FCF1: variants seen among roughly 807,000 people sequenced by gnomAD.
The protein encoded by FCF1 is rRNA-processing protein FCF1 homolog.
A neutral mutation model predicts 32.5 loss-of-function variants in FCF1; 17 were observed. The ratio of observed to expected loss-of-function variants is 0.52; its 90% CI spans 0.36 to 0.78. FCF1 has a LOEUF of 0.78. FCF1 is among the 30% of genes least tolerant of loss of function. FCF1 has a pLI of 0.00. For missense variants in FCF1, 201 were observed against 241.1 expected (o/e 0.83, Z 1.10); for synonymous variants, 84 against 78.4 (o/e 1.07, Z -0.38).
At chr14:74,726,712 C>G (rs1286681092) in intron 5 of FCF1, among the ~76,000 whole-genome samples, 1 of 151,996 alleles carries the variant, frequency 6.6e-6, no homozygotes, top group East Asian at 1.9e-4. Flanking sequence ...CCCACTAACT[C>G]GTCATCTAGC....
chr14:74,725,935 CAAAAAAA>C (rs568348050), intron 5 of FCF1, among the ~76,000 whole-genome samples: 2 of 108,512 alleles, frequency 1.8e-5, no homozygotes, highest in Admixed American at 1.0e-4. Context: ...GACTCCATCT[CAAAAAAA>C]AAAAAAAGAA....
chr14:74,738,005 AAAAAAGAG>A lies in FCF1; in HGVS notation c.*3077_*3084del, dbSNP rs1269310839. 2.4e-4 allele frequency: 37 copies of A among 151,556 alleles called. No homozygotes were observed. The highest frequency in any genetic ancestry group is 8.4e-4 in the African/African-American group (35 of 41,506). The allele number at this position is 151,556 out of a possible 1,614,324, so 9.4% of individuals were successfully genotyped here. On this transcript the variant is annotated 3_prime_UTR_variant, in exon 8 of 8. Coordinates refer to ENST00000341162, the MANE Select transcript of FCF1 (RefSeq NM_015962.5). ...AAACTCTGTCTCAAAAAAAAAAAAAAAAAAAGAGAGAGAGAAAAAAATTAGTTTCCTAC... is the reference window on the plus strand; with the variant it reads ...AAACTCTGTCTCAAAAAAAAAAAAAAAGAGAGAAAAAAATTAGTTTCCTAC...
chr14:74,718,002 G>A (rs1331390985), intron 4 of FCF1, among the ~76,000 whole-genome samples: 1 of 152,094 alleles, frequency 6.6e-6, no homozygotes, highest in African/African-American at 2.4e-5. Context: ...AGCCACCCCA[G>A]TAGCTAGGAC....
intron 2 of FCF1, among the ~76,000 whole-genome samples, chr14:74,714,483 G>A (rs2090386653): frequency 6.6e-6 from 1 of 152,164 alleles, no homozygotes; most frequent in Admixed American, 6.5e-5. Context: ...AGAAGCATAT[G>A]GGGTAATACT....
chr14:74,731,886 T>C (rs879910617), intron 5 of FCF1, among the ~76,000 whole-genome samples: 1 of 152,184 alleles, frequency 6.6e-6, no homozygotes, highest in Non-Finnish European at 1.5e-5. Context: ...AGAGCATGGC[T>C]CTCAGAATCA....
chr14:74,726,547 A>G (rs1298595803), intron 5 of FCF1, among the ~76,000 whole-genome samples: 1 of 151,664 alleles, frequency 6.6e-6, no homozygotes, highest in African/African-American at 2.4e-5. Context: ...GCTGAGGCAG[A>G]AGGATCACCT....
At position 74,738,101 on chromosome 14, in the gene FCF1, A is replaced by G. The variant is rs988264443; in HGVS notation, c.*3171A>G. 2 of 149,584 alleles carry G rather than the reference A, an allele frequency of 1.3e-5. No homozygotes were observed. The highest frequency in any genetic ancestry group is 2.5e-5 in the African/African-American group (1 of 40,698). The allele number at this position is 149,584 out of a possible 1,614,324, so 9.3% of individuals were successfully genotyped here. On this transcript the variant is annotated 3_prime_UTR_variant, in exon 8 of 8. Coordinates refer to ENST00000341162, the MANE Select transcript of FCF1 (RefSeq NM_015962.5). ...GACCTAAATTTTTTTTTTTTTTGAG[A>G]CAGTTTCTCACTCTGTCACCCAGGC...
At chr14:74,714,790 A>G in intron 2 of FCF1, 82 bp from the exon 3 acceptor site, 1 of 1,489,500 alleles carries the variant, frequency 6.7e-7, no homozygotes. Flanking sequence ...AAAAAAAAAA[A>G]AAATGGAACT....
At chr14:74,725,874 T>C (rs1327258154) in intron 5 of FCF1, among the ~76,000 whole-genome samples, 1 of 150,584 alleles carries the variant, frequency 6.6e-6, no homozygotes, top group Non-Finnish European at 1.5e-5. Flanking sequence ...AGGCGGAGCT[T>C]GCAGTGAGCC....
chr14:74,727,195 A>G lies in FCF1; in HGVS notation c.365+3851A>G, dbSNP rs1302879727. 2.0e-5 allele frequency among the ~76,000 whole-genome samples: 3 copies of G among 152,312 alleles called. No homozygotes were observed. In the East Asian group the frequency reaches 5.8e-4, roughly 29 times the overall value. ...AGGAATCACCACACTGACTTCCACA[A>G]TGGTTGAACTAGTTTACAGTCCTGC... On this transcript the variant is annotated intron_variant, in intron 5 of 7. Coordinates refer to ENST00000341162, the MANE Select transcript of FCF1 (RefSeq NM_015962.5).
chr14:74,720,723 T>A (rs1362140842), intron 4 of FCF1, among the ~76,000 whole-genome samples: 1 of 152,140 alleles, frequency 6.6e-6, no homozygotes, highest in Non-Finnish European at 1.5e-5. Flanking sequence ...GCCAATAGCT[T>A]ACAGCAGCCT....
At chr14:74,718,405 T>G (rs1283259229) in intron 4 of FCF1, among the ~76,000 whole-genome samples, 2 of 152,128 alleles carry the variant, frequency 1.3e-5, no homozygotes, top group Admixed American at 1.3e-4. Context: ...TTTGCTCACT[T>G]CACTGCTACA....
At chr14:74,722,677 G>A (rs12883118) in intron 4 of FCF1, among the ~76,000 whole-genome samples, 6,917 of 151,994 alleles carry the variant, frequency 0.046, 223 homozygotes, top group Non-Finnish European at 0.068. Flanking sequence ...GCTCACACCT[G>A]TAATCCCAGC....
At chr14:74,716,229 T>C in intron 4 of FCF1, 130 bp downstream of exon 4, 1 of 838,096 alleles carries the variant, frequency 1.2e-6, no homozygotes, top group Non-Finnish European at 1.9e-6. Context: ...GTGGTCACCA[T>C]AGCAGTGACC....
rs142911340 is a variant in FCF1 at position 74,722,428 on chromosome 14, G to A, written c.293-844G>A. On this transcript the variant is annotated intron_variant, in intron 4 of 7. Coordinates refer to ENST00000341162, the MANE Select transcript of FCF1 (RefSeq NM_015962.5). ...CCCAGTCTTTGGCCCAATAGACTCC[G>A]TTCAAATGTTGGCTTTACCATTTGC... Among the ~76,000 whole-genome samples, 6 of 152,142 alleles carry A rather than the reference G, an allele frequency of 3.9e-5. No individual in the cohort carries two copies. In the East Asian group the frequency reaches 7.7e-4, roughly 20 times the overall value.
intron 5 of FCF1, among the ~76,000 whole-genome samples, chr14:74,724,802 G>A (rs1355205605): frequency 6.6e-6 from 1 of 152,134 alleles, no homozygotes; most frequent in Non-Finnish European, 1.5e-5. Context: ...CTATTCGGGA[G>A]GCTGAGGTGG....
chr14:74,713,902 T>C (rs1271100956), intron 2 of FCF1, among the ~76,000 whole-genome samples: 2 of 152,188 alleles, frequency 1.3e-5, no homozygotes, highest in Non-Finnish European at 2.9e-5. Context: ...GGAGTGTTTC[T>C]TGTTGAAAGA....
intron 5 of FCF1, among the ~76,000 whole-genome samples, chr14:74,725,075 A>AG: frequency 6.6e-6 from 1 of 151,890 alleles, no homozygotes; most frequent in Non-Finnish European, 1.5e-5. Context: ...CTGGTAAAAA[A>AG]AAAAAGAAAG....
intron 5 of FCF1, among the ~76,000 whole-genome samples, chr14:74,732,329 CTG>C (rs1455482590): frequency 6.6e-6 from 1 of 152,116 alleles, no homozygotes; most frequent in African/African-American, 2.4e-5. Context: ...TTACTATAAA[CTG>C]TGTTGAGTGA....
Sources: allele counts gnomAD v4.1 joint callset (sites outside exome capture counted in the v4.1 genomes callset), GRCh38; gene constraint gnomAD v4.1.1; transcripts MANE v1.5; gene names NCBI Gene and HGNC (gene_info 2026-07-23, HGNC 2026-07-21).